GABBR2: variants seen among roughly 807,000 people sequenced by gnomAD.
The protein encoded by GABBR2 is gamma-aminobutyric acid type B receptor subunit 2, also known as G-protein coupled receptor 51.
Under a neutral mutation model 105.6 loss-of-function variants are expected in GABBR2, and 23 were observed. The observed-to-expected ratio is 0.22, with a 90% CI of 0.16 to 0.31. GABBR2 has a LOEUF of 0.31. Among genes scored for constraint, GABBR2 ranks in the 10% least tolerant of loss-of-function variants. GABBR2 has a pLI of 1.00. For missense variants in GABBR2, 734 were observed against 1,245.5 expected (o/e 0.59, Z 6.18); for synonymous variants, 478 against 499.7 (o/e 0.96, Z 0.58).
chr9:98,599,169 A>G (rs560573698), intron 1 of GABBR2, among the ~76,000 whole-genome samples: 1 of 152,270 alleles, frequency 6.6e-6, no homozygotes, highest in Non-Finnish European at 1.5e-5. Context: ...TAGGGGCTTC[A>G]AACTCAGTTC....
intron 7 of GABBR2, among the ~76,000 whole-genome samples, chr9:98,451,685 A>T (rs560882481): frequency 1.3e-5 from 2 of 152,256 alleles, no homozygotes; most frequent in South Asian, 4.2e-4. Context: ...CTCCCAGATG[A>T]TGCAGACCAC....
chr9:98,500,432 G>A (rs1267843990), intron 3 of GABBR2, among the ~76,000 whole-genome samples: 2 of 152,196 alleles, frequency 1.3e-5, no homozygotes, highest in Admixed American at 6.5e-5. Flanking sequence ...CCCCAGGAGG[G>A]CAGGAGACAC....
chr9:98,641,128 G>A (rs1829955094), intron 1 of GABBR2, among the ~76,000 whole-genome samples: 1 of 37,676 alleles, frequency 2.7e-5, no homozygotes, highest in South Asian at 8.9e-4. Context: ...TCTGTGGTTT[G>A]GTTTTTTTTT....
intron 13 of GABBR2, among the ~76,000 whole-genome samples, chr9:98,319,528 C>T (rs1830783010): frequency 6.6e-6 from 1 of 151,580 alleles, no homozygotes; most frequent in Non-Finnish European, 1.5e-5. Flanking sequence ...AACATGGGCA[C>T]TTCCAGCCAC....
chr9:98,326,105 G>A (rs1016713683), intron 13 of GABBR2, among the ~76,000 whole-genome samples: 1 of 152,200 alleles, frequency 6.6e-6, no homozygotes, highest in South Asian at 2.1e-4. Flanking sequence ...TAATTGGGAA[G>A]AGCCAAATGA....
chr9:98,422,095 T>G (rs1588152103), intron 7 of GABBR2, among the ~76,000 whole-genome samples: 1 of 152,096 alleles, frequency 6.6e-6, no homozygotes, highest in Admixed American at 6.6e-5. Context: ...AGATTATCCA[T>G]GGAGTGCCTG....
At chr9:98,498,704 G>A (rs1043751641) in intron 3 of GABBR2, among the ~76,000 whole-genome samples, 2 of 152,244 alleles carry the variant, frequency 1.3e-5, no homozygotes, top group South Asian at 2.1e-4. Context: ...CACAGTCAGC[G>A]TGAACCTTGT....
intron 1 of GABBR2, among the ~76,000 whole-genome samples, chr9:98,650,736 T>G (rs764205231): frequency 6.6e-6 from 1 of 152,180 alleles, no homozygotes; most frequent in Non-Finnish European, 1.5e-5. Context: ...ATAAATACAA[T>G]AGCAGATTAT....
intron 6 of GABBR2, among the ~76,000 whole-genome samples, chr9:98,461,965 G>C (rs1168698089): frequency 6.6e-6 from 1 of 152,174 alleles, no homozygotes; most frequent in Non-Finnish European, 1.5e-5. Flanking sequence ...AAACCATTCA[G>C]GGGGGATCCA....
At chr9:98,323,432 C>T (rs1414560818) in intron 13 of GABBR2, among the ~76,000 whole-genome samples, 2 of 152,238 alleles carry the variant, frequency 1.3e-5, no homozygotes, top group Non-Finnish European at 2.9e-5. Flanking sequence ...CCCTCTTCCC[C>T]ATAGTTCCTG....
intron 1 of GABBR2, among the ~76,000 whole-genome samples, chr9:98,630,273 C>T (rs79585334): frequency 0.013 from 1,905 of 152,276 alleles, 48 homozygotes; most frequent in African/African-American, 0.044. Flanking sequence ...CCCCCTGGCA[C>T]TAGTCTTTCT....
In GABBR2 at chr9:98,353,514, C is replaced by G. The variant is rs560548498; in HGVS notation, c.1893+9201G>C. 3.3e-5 allele frequency among the ~76,000 whole-genome samples: 5 copies of G among 152,206 alleles called. No individual in the cohort carries two copies. In the East Asian group the frequency reaches 9.6e-4, roughly 29 times the overall value. On this transcript the variant is annotated intron_variant, in intron 13 of 18. Transcript: ENST00000259455. The stretch of plus-strand genomic sequence containing the variant: ...CCAGAAGGTTTTCAATGTACTTTGC[C>G]CAGATCCATCAGAGAAATCTCTATC...
chr9:98,486,157 C>T lies in GABBR2; in HGVS notation c.733-5160G>A, dbSNP rs147062142. 3.8e-3 allele frequency among the ~76,000 whole-genome samples: 581 copies of T among 152,312 alleles called. 2 individuals carry two copies. Among genetic ancestry groups the T allele is most frequent in the Non-Finnish European group, 6.2e-3 (421 of 68,026 alleles). ...TTTGTAGGGACTTCAACCTAAGATG[C>T]CAGGTCACACAAATAGGAGGTGGTG... is the stretch of plus-strand genomic sequence containing the variant. On this transcript the variant is annotated intron_variant, in intron 4 of 18. Transcript: ENST00000259455.
intron 7 of GABBR2, among the ~76,000 whole-genome samples, chr9:98,436,640 C>G (rs977941329): frequency 6.6e-6 from 1 of 151,312 alleles, no homozygotes; most frequent in African/African-American, 2.4e-5. Flanking sequence ...CCCCGTGCTC[C>G]TCCTATTACA....
At chr9:98,444,874 C>CGT (rs987950487) in intron 7 of GABBR2, among the ~76,000 whole-genome samples, 1 of 99,140 alleles carries the variant, frequency 1.0e-5, no homozygotes, top group Non-Finnish European at 2.2e-5. Flanking sequence ...CACATGCGCG[C>CGT]GCGCGCACAC....
chr9:98,439,128 T>C (rs1196387081), intron 7 of GABBR2, among the ~76,000 whole-genome samples: 1 of 152,202 alleles, frequency 6.6e-6, no homozygotes. Context: ...AGAGTGCTTA[T>C]CTCGCTACCT....
At chr9:98,409,775 G>T (rs1332545962) in intron 7 of GABBR2, among the ~76,000 whole-genome samples, 1 of 152,220 alleles carries the variant, frequency 6.6e-6, no homozygotes, top group Non-Finnish European at 1.5e-5. Flanking sequence ...GGGATTGGCT[G>T]AGCTCATGAT....
intron 1 of GABBR2, among the ~76,000 whole-genome samples, chr9:98,631,037 G>C (rs1829810393): frequency 1.3e-5 from 2 of 152,148 alleles, no homozygotes; most frequent in Admixed American, 1.3e-4. Context: ...CTACTGCATA[G>C]CGCTGCTGGG....
At chr9:98,677,323 G>A (rs1002364577) in intron 1 of GABBR2, among the ~76,000 whole-genome samples, 15 of 152,190 alleles carry the variant, frequency 9.9e-5, no homozygotes, top group African/African-American at 3.6e-4. Flanking sequence ...GATCCAGACA[G>A]CAATCAAGTC....
Sources: gnomAD v4.1 joint callset for allele counts (sites outside exome capture counted in the v4.1 genomes callset) on GRCh38, gnomAD v4.1.1 for gene constraint, MANE v1.5 for transcripts, NCBI Gene and HGNC (gene_info 2026-07-23, HGNC 2026-07-21) for gene names.